Variants in TOX observed in about 807,000 individuals in gnomAD.
TOX encodes thymocyte selection-associated high mobility group box protein TOX.
TOX carries 11 observed loss-of-function variants against 53.7 expected under a neutral mutation model. The ratio of observed to expected loss-of-function variants is 0.20; its 90% CI spans 0.13 to 0.34. The LOEUF is 0.34. Among genes scored for constraint, TOX ranks in the 10% least tolerant of loss-of-function variants. The pLI is 1.00. For synonymous variants in TOX, 225 were observed against 245.3 expected (o/e 0.92, Z 0.77); for missense variants, 570 against 664.6 (o/e 0.86, Z 1.56).
intron 1 of TOX, among the ~76,000 whole-genome samples, chr8:58,985,361 TATG>T (rs1813308037): frequency 6.6e-6 from 1 of 152,142 alleles, no homozygotes; most frequent in Non-Finnish European, 1.5e-5. Context: ...TTGAGAACAC[TATG>T]ATAAGTGAAA....
chr8:58,835,355 C>A (rs1369658348), intron 5 of TOX, among the ~76,000 whole-genome samples: 3 of 152,146 alleles, frequency 2.0e-5, no homozygotes, highest in Non-Finnish European at 4.4e-5. Flanking sequence ...ATTATATCCA[C>A]ATTAGGGAGA....
chr8:58,871,791 A>G (rs1221354970), intron 3 of TOX, among the ~76,000 whole-genome samples: 1 of 152,192 alleles, frequency 6.6e-6, no homozygotes, highest in African/African-American at 2.4e-5. Context: ...GTTGAAGACA[A>G]TCAGTATGAA....
intron 1 of TOX, among the ~76,000 whole-genome samples, chr8:59,097,769 G>A (rs1300176984): frequency 6.6e-6 from 1 of 152,196 alleles, no homozygotes; most frequent in Non-Finnish European, 1.5e-5. Flanking sequence ...TTTATGATAT[G>A]TAAACATTAT....
chr8:59,070,081 T>A (rs1025481528), intron 1 of TOX, among the ~76,000 whole-genome samples: 3 of 152,242 alleles, frequency 2.0e-5, no homozygotes, highest in Non-Finnish European at 2.9e-5. Flanking sequence ...TGAATTCAAA[T>A]ACTTGTATTT....
In TOX at chr8:58,959,942, C is replaced by G. The variant is rs1178679393; in HGVS notation, c.168+1G>C. The G allele has an allele frequency of 6.2e-7, 1 of 1,614,046 alleles. No homozygotes were observed. Among genetic ancestry groups the G allele is most frequent in the African/African-American group, 1.3e-5 (1 of 74,938 alleles). ...AAGGCAGAGAAGATTAATTAACCCACCTGGCTGGCTGGCACATAGTCCTGG... is the reference window on the plus strand; with the variant it reads ...AAGGCAGAGAAGATTAATTAACCCAGCTGGCTGGCTGGCACATAGTCCTGG... On this transcript the variant is annotated splice_donor_variant, in intron 2 of 8. Coordinates refer to ENST00000361421, the MANE Select transcript of TOX (RefSeq NM_014729.3). LOFTEE classifies it high-confidence loss of function.
chr8:59,065,938 C>T (rs1188316367), intron 1 of TOX, among the ~76,000 whole-genome samples: 3 of 152,138 alleles, frequency 2.0e-5, no homozygotes, highest in Admixed American at 6.5e-5. Flanking sequence ...TTTACCATGA[C>T]GGTTTGATTG....
intron 1 of TOX, among the ~76,000 whole-genome samples, chr8:59,002,465 G>A (rs1011894800): frequency 1.3e-5 from 2 of 151,054 alleles, no homozygotes; most frequent in Non-Finnish European, 3.0e-5. Flanking sequence ...GGTGGCAGGC[G>A]CCTGTAGTCC....
chr8:58,851,778 T>TCTG lies in TOX; in HGVS notation c.438_439insCAG (p.Gly146_Thr147insGln), dbSNP rs1239054869. The TCTG allele has an allele frequency of 3.1e-6, 5 of 1,598,598 alleles. No homozygotes were observed. The highest frequency in any genetic ancestry group is 1.1e-5 in the South Asian group (1 of 88,806). On this transcript the variant is annotated inframe_insertion, in exon 4 of 9. Transcript: ENST00000361421. The surrounding 1 kb of genome is among the most constrained non-coding windows in gnomAD (Gnocchi z 4.4). ...ATCTGAGGATGGGAACTGTACTGAG[T>TCTG]TCCTTCTGGGTTTCGTATATCTGGC...
At chr8:59,039,026 T>C (rs560918698) in intron 1 of TOX, among the ~76,000 whole-genome samples, 1 of 152,310 alleles carries the variant, frequency 6.6e-6, no homozygotes, top group African/African-American at 2.4e-5. Flanking sequence ...AGGATTTTGT[T>C]TTCTTCATCT....
intron 1 of TOX, among the ~76,000 whole-genome samples, chr8:58,997,953 T>C (rs1430033130): frequency 6.6e-6 from 1 of 151,982 alleles, no homozygotes; most frequent in Non-Finnish European, 1.5e-5. Flanking sequence ...CCACCATGCC[T>C]GGCTAATTTT....
At chr8:58,959,311 A>G (rs1585924993) in intron 2 of TOX, among the ~76,000 whole-genome samples, 1 of 152,232 alleles carries the variant, frequency 6.6e-6, no homozygotes, top group Non-Finnish European at 1.5e-5. Context: ...ATTTACTTTT[A>G]TAAGTGTAAC....
intron 3 of TOX, among the ~76,000 whole-genome samples, chr8:58,879,652 G>T (rs570307853): frequency 6.6e-6 from 1 of 152,272 alleles, no homozygotes; most frequent in East Asian, 1.9e-4. Context: ...TTTGGGGAAT[G>T]CCACAGTACG....
chr8:58,923,150 A>G (rs1812100622), intron 3 of TOX, among the ~76,000 whole-genome samples: 1 of 152,106 alleles, frequency 6.6e-6, no homozygotes, highest in South Asian at 2.1e-4. Context: ...GGTCAATCTA[A>G]TTAATATATG....
chr8:59,026,828 T>C (rs769295470), intron 1 of TOX, among the ~76,000 whole-genome samples: 14 of 149,994 alleles, frequency 9.3e-5, no homozygotes, highest in African/African-American at 1.7e-4. Flanking sequence ...AATATTTGAA[T>C]GCAAAATTTT....
chr8:59,093,432 A>G (rs1398168708), intron 1 of TOX, among the ~76,000 whole-genome samples: 22 of 152,224 alleles, frequency 1.4e-4, no homozygotes, highest in Admixed American at 1.4e-3. Context: ...ATGATTATTA[A>G]TGTACTTTGT....
intron 1 of TOX, among the ~76,000 whole-genome samples, chr8:59,077,515 G>A (rs958218270): frequency 5.9e-5 from 9 of 152,228 alleles, no homozygotes; most frequent in Admixed American, 5.2e-4. Flanking sequence ...TGATCCCTGG[G>A]TCTCTGAGAT....
rs569659766 is a variant in TOX, at chr8:59,092,207, G to A, written c.102+26679C>T. ...GTAGAGGTTGCAGTGAGTCGAGATC[G>A]CGCCACTGCACTCCAGCCTGGGCGA... On this transcript the variant is annotated intron_variant, in intron 1 of 8. Transcript: ENST00000361421. Among the ~76,000 whole-genome samples the A allele has an allele frequency of 9.7e-4, 140 of 143,670 alleles. 1 individual carries two copies. Among genetic ancestry groups the A allele is most frequent in the Middle Eastern group, 7.4e-3 (2 of 272 alleles). 94.3% of individuals were successfully genotyped at this position (143,670 alleles called of 152,430 possible). A position where few individuals can be genotyped will look rare whatever the true frequency, so the allele number is the denominator to read the frequency against.
At chr8:58,859,789 C>A (rs1011295453) in intron 3 of TOX, among the ~76,000 whole-genome samples, 1 of 152,202 alleles carries the variant, frequency 6.6e-6, no homozygotes, top group East Asian at 1.9e-4. Flanking sequence ...CAAAACATCA[C>A]TGAAGAGTCT....
chr8:58,816,818 C>T (rs957494009), intron 6 of TOX, among the ~76,000 whole-genome samples: 4 of 152,156 alleles, frequency 2.6e-5, no homozygotes, highest in African/African-American at 4.8e-5. Flanking sequence ...AATGCACCAC[C>T]GGGCAACCCA....
Sources: gnomAD v4.1 joint callset for allele counts (sites outside exome capture counted in the v4.1 genomes callset) on GRCh38, gnomAD v4.1.1 for gene constraint, Gnocchi (gnomAD v3.1) non-coding constraint, MANE v1.5 for transcripts, NCBI Gene and HGNC (gene_info 2026-07-23, HGNC 2026-07-21) for gene names.